Variants in TSHZ2 observed in about 807,000 individuals in gnomAD.
TSHZ2 encodes teashirt homolog 2.
TSHZ2 carries 21 observed loss-of-function variants against 74.4 expected under a neutral mutation model. The observed-to-expected ratio is 0.28, with a 90% CI of 0.20 to 0.41. TSHZ2 has a LOEUF of 0.41. Ranked by LOEUF, TSHZ2 falls within the 10% of genes least tolerant of loss-of-function variation. The pLI is 1.00. For synonymous variants in TSHZ2, 540 were observed against 515.3 expected (o/e 1.05, Z -0.65); for missense variants, 1,244 against 1,293.5 (o/e 0.96, Z 0.59).
At chr20:53,295,868 A>G (rs999749444) in intron 2 of TSHZ2, among the ~76,000 whole-genome samples, 6 of 152,104 alleles carry the variant, frequency 3.9e-5, no homozygotes, top group African/African-American at 1.4e-4. Flanking sequence ...AAGAAAATTT[A>G]AAACAGCCAT....
At chr20:53,318,804 C>T (rs1979129901) in intron 2 of TSHZ2, among the ~76,000 whole-genome samples, 1 of 152,102 alleles carries the variant, frequency 6.6e-6, no homozygotes, top group African/African-American at 2.4e-5. Context: ...CTGTATCAAC[C>T]CATTTTCATA....
At position 53,153,815 on chromosome 20, in the gene TSHZ2, AG is replaced by A. The variant is rs142473136; in HGVS notation, c.41-99682del. Among the ~76,000 whole-genome samples, 568 of 152,316 alleles carry A rather than the reference AG, an allele frequency of 3.7e-3. 5 individuals carry two copies. The highest frequency in any genetic ancestry group is 0.013 in the African/African-American group (555 of 41,562). ...CCACTTATTTAGTCCGTGGTCCTGC[AG>A]GTCAATAATTTTGGCTAGACTCAGC... On this transcript the variant is annotated intron_variant, in intron 1 of 2. Coordinates refer to ENST00000371497, the MANE Select transcript of TSHZ2 (RefSeq NM_173485.6).
chr20:53,317,993 CTT>C (rs900812414), intron 2 of TSHZ2, among the ~76,000 whole-genome samples: 10 of 152,144 alleles, frequency 6.6e-5, no homozygotes, highest in African/African-American at 1.9e-4. Context: ...AAATTTTCAT[CTT>C]GTTGGTCATT....
chr20:52,986,288 G>T (rs900934251), intron 1 of TSHZ2, among the ~76,000 whole-genome samples: 4 of 151,478 alleles, frequency 2.6e-5, no homozygotes, highest in Non-Finnish European at 5.9e-5. Flanking sequence ...TGTAAACCCA[G>T]CTACTCAGGA....
intron 2 of TSHZ2, among the ~76,000 whole-genome samples, chr20:53,416,663 T>C (rs1983264230): frequency 6.6e-6 from 1 of 152,250 alleles, no homozygotes; most frequent in African/African-American, 2.4e-5. Context: ...GTTTACCATT[T>C]GACCTTTTAA....
intron 1 of TSHZ2, among the ~76,000 whole-genome samples, chr20:53,184,676 TC>T (rs1334859187): frequency 2.0e-5 from 3 of 152,150 alleles, no homozygotes; most frequent in African/African-American, 7.2e-5. Context: ...TCTCTATTTT[TC>T]ATTTTAATAA....
At chr20:53,231,662 CTT>C (rs201046903) in intron 1 of TSHZ2, among the ~76,000 whole-genome samples, 1 of 151,176 alleles carries the variant, frequency 6.6e-6, no homozygotes, top group Non-Finnish European at 1.5e-5. Flanking sequence ...GCCTGGAAGT[CTT>C]TTTTTTTGGT....
At chr20:53,136,987 G>A (rs1987260485) in intron 1 of TSHZ2, among the ~76,000 whole-genome samples, 1 of 152,138 alleles carries the variant, frequency 6.6e-6, no homozygotes, top group Admixed American at 6.5e-5. Flanking sequence ...GTGGTTTAAT[G>A]GACTGATATC....
chr20:53,170,919 G>T (rs1988184566), intron 1 of TSHZ2, among the ~76,000 whole-genome samples: 1 of 142,008 alleles, frequency 7.0e-6, no homozygotes, highest in Non-Finnish European at 1.5e-5. Context: ...CAAAAGGAAG[G>T]AAAGACAATA....
chr20:53,281,330 T>C (rs1991056995), intron 2 of TSHZ2, among the ~76,000 whole-genome samples: 2 of 152,144 alleles, frequency 1.3e-5, no homozygotes, highest in African/African-American at 2.4e-5. Context: ...ACATGCAAAG[T>C]TCTTGAGGTC....
At chr20:53,481,342 CA>C (rs1356662759) in intron 2 of TSHZ2, among the ~76,000 whole-genome samples, 1 of 152,024 alleles carries the variant, frequency 6.6e-6, no homozygotes, top group Non-Finnish European at 1.5e-5. Flanking sequence ...GAGGTCAAGG[CA>C]ATAGGATTGC....
At chr20:53,393,314 T>C (rs1313323015) in intron 2 of TSHZ2, among the ~76,000 whole-genome samples, 2 of 152,240 alleles carry the variant, frequency 1.3e-5, no homozygotes. Flanking sequence ...CCTTCAGCTC[T>C]ACCCACCAAC....
chr20:53,065,333 T>C (rs1984948462), intron 1 of TSHZ2, among the ~76,000 whole-genome samples: 3 of 152,220 alleles, frequency 2.0e-5, no homozygotes, highest in Admixed American at 6.5e-5. Flanking sequence ...CAGATCTTTC[T>C]GTGCTTTAGT....
chr20:53,239,167 G>T (rs1990009436), intron 1 of TSHZ2, among the ~76,000 whole-genome samples: 1 of 152,258 alleles, frequency 6.6e-6, no homozygotes, highest in African/African-American at 2.4e-5. Context: ...GTAGCACCTT[G>T]TCTCCCAGTT....
At chr20:53,448,679 G>A (rs1984654993) in intron 2 of TSHZ2, among the ~76,000 whole-genome samples, 1 of 152,180 alleles carries the variant, frequency 6.6e-6, no homozygotes. Flanking sequence ...CTGTTAAGTA[G>A]GAGGCATACA....
At chr20:53,085,924 T>A (rs1266063891) in intron 1 of TSHZ2, among the ~76,000 whole-genome samples, 6 of 152,186 alleles carry the variant, frequency 3.9e-5, no homozygotes, top group Non-Finnish European at 8.8e-5. Context: ...CTTCTCAAAG[T>A]TCTCCTCTCC....
chr20:53,115,529 G>A lies in TSHZ2; in HGVS notation c.41-137970G>A, dbSNP rs139209525. On this transcript the variant is annotated intron_variant, in intron 1 of 2. Transcript: ENST00000371497. ...CCCAGCCATGTGGAACTGTGAGTCC[G>A]TTAACCCTCTTTCCTTTATAAATTA... is the stretch of plus-strand genomic sequence containing the variant. 9.4e-3 allele frequency among the ~76,000 whole-genome samples: 1,426 copies of A among 152,260 alleles called. 11 individuals carry two copies. Among genetic ancestry groups the A allele is most frequent in the Non-Finnish European group, 0.014 (964 of 68,022 alleles).
At chr20:53,315,972 T>G (rs549392802) in intron 2 of TSHZ2, among the ~76,000 whole-genome samples, 1 of 152,090 alleles carries the variant, frequency 6.6e-6, no homozygotes, top group South Asian at 2.1e-4. Flanking sequence ...AGGAGGACAT[T>G]CCAAGCAGAG....
At chr20:53,272,995 A>G (rs903015703) in intron 2 of TSHZ2, among the ~76,000 whole-genome samples, 1 of 152,236 alleles carries the variant, frequency 6.6e-6, no homozygotes, top group African/African-American at 2.4e-5. Flanking sequence ...AGGAGATTGA[A>G]AAGACAGGAG....
Sources: gnomAD v4.1 joint callset for allele counts (sites outside exome capture counted in the v4.1 genomes callset) on GRCh38, gnomAD v4.1.1 for gene constraint, MANE v1.5 for transcripts, NCBI Gene and HGNC (gene_info 2026-07-23, HGNC 2026-07-21) for gene names.